The following PTPRK variants were observed in gnomAD, a reference collection of about 807,000 sequenced individuals.
PTPRK encodes receptor-type tyrosine-protein phosphatase kappa.
A neutral mutation model predicts 178.0 loss-of-function variants in PTPRK; 75 were observed. That is an observed-to-expected ratio of 0.42 (90% CI 0.35 to 0.51). PTPRK has a LOEUF of 0.51. PTPRK is among the 20% of genes least tolerant of loss of function. The probability of loss-of-function intolerance (pLI) is 0.02; values close to 1 mark genes in which losing one functional copy is unlikely to be tolerated. For synonymous variants in PTPRK, 637 were observed against 620.6 expected (o/e 1.03, Z -0.39); for missense variants, 1,441 against 1,797.8 (o/e 0.80, Z 3.59).
chr6:128,460,655 A>C (rs1014132394), intron 1 of PTPRK, among the ~76,000 whole-genome samples: 1 of 152,246 alleles, frequency 6.6e-6, no homozygotes, highest in Non-Finnish European at 1.5e-5. Flanking sequence ...GACACAAGTC[A>C]AGTGTCTAGA....
At chr6:128,201,975 T>G (rs1280453190) in intron 6 of PTPRK, among the ~76,000 whole-genome samples, 1 of 152,130 alleles carries the variant, frequency 6.6e-6, no homozygotes, top group Non-Finnish European at 1.5e-5. Flanking sequence ...TTAATAAAAT[T>G]AACAATAATC....
At chr6:128,013,272 C>G (rs1413408999) in intron 13 of PTPRK, among the ~76,000 whole-genome samples, 1 of 151,384 alleles carries the variant, frequency 6.6e-6, no homozygotes, top group East Asian at 1.9e-4. Context: ...CCTCAGGGAC[C>G]TATGCCTCTT....
At position 128,205,777 on chromosome 6, in the gene PTPRK, C is replaced by CAA. The variant is rs57003128; in HGVS notation, c.868+13143_868+13144dup. Among the ~76,000 whole-genome samples the CAA allele has an allele frequency of 5.1e-3, 78 of 15,206 alleles. 3 individuals are homozygous for CAA. Among genetic ancestry groups the CAA allele is most frequent in the African/African-American group, 9.3e-3 (39 of 4,172 alleles). 10.0% of individuals were successfully genotyped at this position (15,206 alleles called of 152,430 possible). A position where few individuals can be genotyped will look rare whatever the true frequency, so the allele number is the denominator to read the frequency against. On this transcript the variant is annotated intron_variant, in intron 6 of 29. Transcript: ENST00000368226. Reference sequence around the variant, plus strand: ...CACAGTGAGAATCTGCATCACAGACCAAAAAAAAAAAAAAAAAAAAAAAAA... The same window carrying CAA: ...CACAGTGAGAATCTGCATCACAGACCAAAAAAAAAAAAAAAAAAAAAAAAAAA...
intron 13 of PTPRK, among the ~76,000 whole-genome samples, chr6:128,055,287 A>G (rs1426519711): frequency 6.6e-6 from 1 of 152,202 alleles, no homozygotes; most frequent in Admixed American, 6.5e-5. Flanking sequence ...TACTAAAATA[A>G]TAGCAAAAAT....
At chr6:128,303,978 G>C (rs1168876210) in intron 3 of PTPRK, among the ~76,000 whole-genome samples, 1 of 152,176 alleles carries the variant, frequency 6.6e-6, no homozygotes, top group African/African-American at 2.4e-5. Flanking sequence ...CACAATCATG[G>C]AAGATGGTTG....
At chr6:128,514,370 ATGTGTGTGTGTGTG>A (rs146438569) in intron 1 of PTPRK, among the ~76,000 whole-genome samples, 8 of 148,376 alleles carry the variant, frequency 5.4e-5, no homozygotes, top group South Asian at 4.3e-4. Context: ...CATTGTTAAG[ATGTGTGTGTGTGTG>A]TGTGTGTGTG....
intron 3 of PTPRK, among the ~76,000 whole-genome samples, chr6:128,278,922 T>C (rs1473096775): frequency 6.6e-6 from 1 of 152,144 alleles, no homozygotes; most frequent in Non-Finnish European, 1.5e-5. Context: ...TCCAACACAT[T>C]CAGACATCAA....
chr6:128,252,351 A>T (rs1816595879), intron 3 of PTPRK, among the ~76,000 whole-genome samples: 2 of 152,220 alleles, frequency 1.3e-5, no homozygotes, highest in Admixed American at 1.3e-4. Flanking sequence ...AGTTATTTAA[A>T]TTAATTCTGC....
intron 11 of PTPRK, among the ~76,000 whole-genome samples, chr6:128,078,466 C>T (rs1411144685): frequency 6.6e-6 from 1 of 151,926 alleles, no homozygotes; most frequent in Non-Finnish European, 1.5e-5. Context: ...ACCCTGCCTA[C>T]CTAGTTTCTC....
At chr6:128,272,240 A>G (rs1412028673) in intron 3 of PTPRK, among the ~76,000 whole-genome samples, 3 of 152,176 alleles carry the variant, frequency 2.0e-5, no homozygotes, top group African/African-American at 7.2e-5. Flanking sequence ...TGTTAGACCT[A>G]AAACCATAAA....
chr6:128,359,605 A>G (rs1834446006), intron 2 of PTPRK, among the ~76,000 whole-genome samples: 1 of 151,914 alleles, frequency 6.6e-6, no homozygotes, highest in African/African-American at 2.4e-5. Context: ...TACAAAAAGT[A>G]GCCAGGTGTG....
At chr6:128,334,579 A>G (rs1296831877) in intron 2 of PTPRK, among the ~76,000 whole-genome samples, 1 of 152,198 alleles carries the variant, frequency 6.6e-6, no homozygotes, top group Non-Finnish European at 1.5e-5. Context: ...CAATTAGAGA[A>G]GAATTCAGAT....
In PTPRK at chr6:127,983,059, A is replaced by C. The variant is rs1260813379; in HGVS notation, c.3388-79T>G. 4 of 1,440,328 alleles carry C rather than the reference A, an allele frequency of 2.8e-6. No homozygotes were observed. The Admixed American group carries it at 6.5e-5, about 23-fold the overall frequency. The allele number at this position is 1,440,328 out of a possible 1,614,324, so 89.2% of individuals were successfully genotyped here. On this transcript the variant is annotated intron_variant, in intron 23 of 29. Transcript: ENST00000368226. Reference sequence around the variant, plus strand: ...GTCATCAAAGTTAGGAAATACAGAAAATTTTCTCTATATGGAAATATGAAT... The same window carrying C: ...GTCATCAAAGTTAGGAAATACAGAACATTTTCTCTATATGGAAATATGAAT...
At chr6:128,254,244 A>G (rs1284447646) in intron 3 of PTPRK, among the ~76,000 whole-genome samples, 1 of 152,152 alleles carries the variant, frequency 6.6e-6, no homozygotes, top group East Asian at 1.9e-4. Flanking sequence ...ATTTTACAAG[A>G]CAAATAGTCA....
At chr6:128,041,627 T>G (rs1217490278) in intron 13 of PTPRK, among the ~76,000 whole-genome samples, 2 of 152,030 alleles carry the variant, frequency 1.3e-5, no homozygotes, top group Non-Finnish European at 2.9e-5. Context: ...TGTTTTTAAT[T>G]GCTAAGTATA....
At chr6:128,060,081 G>A (rs975140619) in intron 13 of PTPRK, among the ~76,000 whole-genome samples, 10 of 151,930 alleles carry the variant, frequency 6.6e-5, no homozygotes, top group African/African-American at 1.9e-4. Context: ...GAGGTTCCGG[G>A]GTCCAATGTG....
intron 7 of PTPRK, among the ~76,000 whole-genome samples, chr6:128,181,293 G>A (rs1801869884): frequency 6.6e-6 from 1 of 151,930 alleles, no homozygotes; most frequent in South Asian, 2.1e-4. Context: ...ACCTTAAAAT[G>A]GAATTTTAAA....
intron 5 of PTPRK, among the ~76,000 whole-genome samples, chr6:128,233,963 G>A (rs777975801): frequency 6.6e-6 from 1 of 152,150 alleles, no homozygotes; most frequent in Non-Finnish European, 1.5e-5. Context: ...TTTCTACACC[G>A]AACTTGAAGC....
chr6:128,461,938 T>C (rs1276845318), intron 1 of PTPRK, among the ~76,000 whole-genome samples: 2 of 152,242 alleles, frequency 1.3e-5, no homozygotes, highest in Non-Finnish European at 2.9e-5. Context: ...ACATCTAACA[T>C]TTTCATATTA....
Sources: gnomAD v4.1 joint callset for allele counts (sites outside exome capture counted in the v4.1 genomes callset) on GRCh38, gnomAD v4.1.1 for gene constraint, MANE v1.5 for transcripts, NCBI Gene and HGNC (gene_info 2026-07-23, HGNC 2026-07-21) for gene names.